The following FAT3 variants were observed in gnomAD, a reference collection of about 807,000 sequenced individuals.
The protein encoded by FAT3 is FAT atypical cadherin 3.
FAT3 carries 95 observed loss-of-function variants against 310.2 expected under a neutral mutation model. The ratio of observed to expected loss-of-function variants is 0.31; its 90% CI spans 0.26 to 0.36. FAT3 has a LOEUF of 0.36. Among genes scored for constraint, FAT3 ranks in the 10% least tolerant of loss-of-function variants. The pLI is 1.00. For missense variants in FAT3, 5,408 were observed against 5,715.6 expected (o/e 0.95, Z 1.74); for synonymous variants, 2,314 against 2,192.9 (o/e 1.06, Z -1.54).
chr11:92,285,414 A>G lies in FAT3; in HGVS notation c.-18+60240A>G, dbSNP rs553101814. Among the ~76,000 whole-genome samples the G allele has an allele frequency of 5.3e-5, 8 of 152,292 alleles. No homozygotes were observed. In the East Asian group the frequency reaches 1.5e-3, roughly 29 times the overall value. ...AGTCGTTCTATTGTGGAAAAAAGCGAATATGCTGTGCAAGCTTTTATGTGT... is the reference window on the plus strand; with the variant it reads ...AGTCGTTCTATTGTGGAAAAAAGCGGATATGCTGTGCAAGCTTTTATGTGT... On this transcript the variant is annotated intron_variant, in intron 1 of 27. Coordinates refer to ENST00000525166, the MANE Select transcript of FAT3 (RefSeq NM_001367949.2).
intron 3 of FAT3, among the ~76,000 whole-genome samples, chr11:92,545,012 C>T (rs919231122): frequency 6.6e-6 from 1 of 152,132 alleles, no homozygotes; most frequent in African/African-American, 2.4e-5. Context: ...TAGGTCTTAT[C>T]TGCTGCCTTC....
chr11:92,698,689 A>T (rs1032477020), intron 4 of FAT3, among the ~76,000 whole-genome samples: 2 of 152,162 alleles, frequency 1.3e-5, no homozygotes, highest in Admixed American at 1.3e-4. Context: ...CTGCCAAAAA[A>T]AATAATTATA....
rs1317708610 is a variant in FAT3 at position 92,883,449 on chromosome 11, C to A, written c.12937+56C>A. ...GGTGCTTACAGGGAACCTGCAGGGG[C>A]GCTGTGCGAGGACGCTACGGGAAGG... On this transcript the variant is annotated intron_variant, in intron 24 of 27. Transcript: ENST00000525166. This position sits in a 1 kb window ranked among gnomAD's most constrained non-coding sequence, Gnocchi z 4.2. The A allele has an allele frequency of 6.5e-7, 1 of 1,547,910 alleles. No individual in the cohort carries two copies. The highest frequency in any genetic ancestry group is 8.7e-7 in the Non-Finnish European group (1 of 1,145,130).
At chr11:92,356,744 C>T (rs1948742488) in intron 2 of FAT3, among the ~76,000 whole-genome samples, 1 of 152,140 alleles carries the variant, frequency 6.6e-6, no homozygotes. Context: ...GTAGGGGACA[C>T]ATACATTCAG....
At chr11:92,574,443 C>A (rs1424274380) in intron 3 of FAT3, among the ~76,000 whole-genome samples, 1 of 152,130 alleles carries the variant, frequency 6.6e-6, no homozygotes, top group Non-Finnish European at 1.5e-5. Context: ...TCTTGTGTGG[C>A]CTCTGCTGTG....
intron 4 of FAT3, among the ~76,000 whole-genome samples, chr11:92,722,345 C>T (rs1401609959): frequency 6.6e-6 from 1 of 152,206 alleles, no homozygotes; most frequent in Non-Finnish European, 1.5e-5. Flanking sequence ...CCTTTGACTC[C>T]ATGTCTCATA....
intron 1 of FAT3, among the ~76,000 whole-genome samples, chr11:92,280,223 T>C (rs1946386686): frequency 1.3e-5 from 2 of 152,184 alleles, no homozygotes; most frequent in African/African-American, 4.8e-5. Flanking sequence ...TGACTAGCTT[T>C]TCCATTTTAT....
intron 1 of FAT3, among the ~76,000 whole-genome samples, chr11:92,288,247 A>G (rs1011708569): frequency 1.3e-5 from 2 of 152,180 alleles, no homozygotes; most frequent in Admixed American, 6.6e-5. Flanking sequence ...AAAGTAGCCA[A>G]ATTTATACAA....
intron 1 of FAT3, among the ~76,000 whole-genome samples, chr11:92,346,268 G>C (rs184685857): frequency 4.6e-5 from 7 of 152,242 alleles, no homozygotes; most frequent in Non-Finnish European, 8.8e-5. Context: ...GCTGTTCTGG[G>C]ACTCATCATT....
intron 3 of FAT3, among the ~76,000 whole-genome samples, chr11:92,656,766 G>A (rs1248949698): frequency 2.0e-5 from 3 of 152,162 alleles, no homozygotes; most frequent in South Asian, 2.1e-4. Flanking sequence ...TAGCATATCT[G>A]GGTAGAGGAC....
Position 92,883,435 on chromosome 11 carries a change from G to A in FAT3, c.12937+42G>A, listed in dbSNP as rs2136419560. ...AATGCTCACCCCTCGGTGCTTACAG[G>A]GAACCTGCAGGGGCGCTGTGCGAGG... On this transcript the variant is annotated intron_variant, in intron 24 of 27. Coordinates refer to ENST00000525166, the MANE Select transcript of FAT3 (RefSeq NM_001367949.2). This position sits in a 1 kb window ranked among gnomAD's most constrained non-coding sequence, Gnocchi z 4.2. The A allele has an allele frequency of 6.4e-7, 1 of 1,560,672 alleles. No homozygotes were observed. Among genetic ancestry groups the A allele is most frequent in the East Asian group, 2.3e-5 (1 of 44,292 alleles).
intron 2 of FAT3, among the ~76,000 whole-genome samples, chr11:92,430,188 G>A (rs1449683278): frequency 2.0e-5 from 3 of 152,084 alleles, no homozygotes; most frequent in Non-Finnish European, 4.4e-5. Context: ...ACTTGTGTGT[G>A]CTTCACAAAG....
intron 3 of FAT3, among the ~76,000 whole-genome samples, chr11:92,555,694 C>T (rs1954992923): frequency 6.6e-6 from 1 of 152,224 alleles, no homozygotes; most frequent in Non-Finnish European, 1.5e-5. Flanking sequence ...GGCAGCTACT[C>T]TTCTTCCTCA....
At chr11:92,405,890 T>C (rs945242144) in intron 2 of FAT3, among the ~76,000 whole-genome samples, 2 of 152,264 alleles carry the variant, frequency 1.3e-5, no homozygotes, top group African/African-American at 4.8e-5. Flanking sequence ...TGTAGAAATT[T>C]AAAATTTTCA....
At chr11:92,368,310 A>T (rs1012643302) in intron 2 of FAT3, among the ~76,000 whole-genome samples, 7 of 152,230 alleles carry the variant, frequency 4.6e-5, no homozygotes, top group African/African-American at 1.4e-4. Context: ...TTTTAATGAC[A>T]TGCCAATTTT....
chr11:92,600,870 A>G (rs922872252), intron 3 of FAT3, among the ~76,000 whole-genome samples: 4 of 152,156 alleles, frequency 2.6e-5, no homozygotes, highest in African/African-American at 9.7e-5. Flanking sequence ...TTCTCTAAAG[A>G]TTAAAGGTAA....
At chr11:92,313,430 A>G (rs1947358181) in intron 1 of FAT3, among the ~76,000 whole-genome samples, 1 of 152,180 alleles carries the variant, frequency 6.6e-6, no homozygotes, top group Non-Finnish European at 1.5e-5. Flanking sequence ...TTATTGTTGT[A>G]TTTGTATATT....
intron 2 of FAT3, among the ~76,000 whole-genome samples, chr11:92,519,725 A>AG (rs1309889977): frequency 2.0e-5 from 3 of 152,126 alleles, no homozygotes; most frequent in Admixed American, 2.0e-4. Flanking sequence ...ACCTACGATA[A>AG]CTTCTTTATC....
chr11:92,820,136 C>T (rs957365291), intron 13 of FAT3, among the ~76,000 whole-genome samples: 2 of 152,162 alleles, frequency 1.3e-5, no homozygotes, highest in East Asian at 1.9e-4. Flanking sequence ...ACTGCCATAA[C>T]GAAGTACCTG....
Sources: allele counts gnomAD v4.1 joint callset (sites outside exome capture counted in the v4.1 genomes callset), GRCh38; gene constraint gnomAD v4.1.1; non-coding constraint Gnocchi (gnomAD v3.1); transcripts MANE v1.5; gene names NCBI Gene and HGNC (gene_info 2026-07-23, HGNC 2026-07-21).